Variants in AGPS observed in about 807,000 individuals in gnomAD.
AGPS encodes alkyldihydroxyacetonephosphate synthase, peroxisomal.
AGPS carries 26 observed loss-of-function variants against 90.7 expected under a neutral mutation model. That is an observed-to-expected ratio of 0.29 (90% CI 0.21 to 0.40). The LOEUF (loss-of-function observed/expected upper bound fraction) is 0.40, where lower values mean the gene tolerates loss of function less well. Among genes scored for constraint, AGPS ranks in the 10% least tolerant of loss-of-function variants. AGPS has a pLI of 1.00. For missense variants in AGPS, 540 were observed against 816.1 expected (o/e 0.66, Z 4.12); for synonymous variants, 294 against 285.3 (o/e 1.03, Z -0.31).
intron 11 of AGPS, among the ~76,000 whole-genome samples, chr2:177,485,753 T>C (rs1436731469): frequency 1.3e-5 from 2 of 151,842 alleles, no homozygotes; most frequent in Non-Finnish European, 2.9e-5. Flanking sequence ...CCTGTCTCTA[T>C]AAAAAATACA....
chr2:177,431,368 G>A (rs578140362), intron 2 of AGPS, among the ~76,000 whole-genome samples: 2 of 152,316 alleles, frequency 1.3e-5, no homozygotes, highest in South Asian at 4.1e-4. Context: ...AATGACTGAT[G>A]AGGGTCTGTG....
At chr2:177,416,575 G>T (rs187001578) in intron 1 of AGPS, among the ~76,000 whole-genome samples, 1 of 152,108 alleles carries the variant, frequency 6.6e-6, no homozygotes, top group Admixed American at 6.5e-5. Context: ...ACCCAGCCTG[G>T]AGTGCAGTGG....
intron 1 of AGPS, among the ~76,000 whole-genome samples, chr2:177,414,974 G>A (rs1050149316): frequency 1.4e-5 from 2 of 147,574 alleles, no homozygotes; most frequent in Non-Finnish European, 3.0e-5. Flanking sequence ...AATATATCTG[G>A]ATATATTATA....
At chr2:177,484,511 T>C (rs1413020961) in intron 11 of AGPS, among the ~76,000 whole-genome samples, 4 of 151,812 alleles carry the variant, frequency 2.6e-5, no homozygotes, top group African/African-American at 9.7e-5. Context: ...GCCCAGCAGA[T>C]TTTTTTGTAT....
At chr2:177,427,933 G>T (rs1449230792) in intron 2 of AGPS, among the ~76,000 whole-genome samples, 1 of 152,130 alleles carries the variant, frequency 6.6e-6, no homozygotes, top group Non-Finnish European at 1.5e-5. Context: ...GGATGTTAAA[G>T]CCTCTCACTA....
chr2:177,444,812 G>A (rs1291184763), intron 7 of AGPS, among the ~76,000 whole-genome samples: 4 of 152,204 alleles, frequency 2.6e-5, no homozygotes. Flanking sequence ...GCTCTTAATA[G>A]TAGAAAGTAA....
intron 1 of AGPS, among the ~76,000 whole-genome samples, chr2:177,416,711 A>G (rs566019547): frequency 5.0e-4 from 76 of 151,660 alleles, no homozygotes; most frequent in Admixed American, 8.5e-4. Flanking sequence ...TTTAATTTGT[A>G]GTAGAGATGG....
intron 6 of AGPS, chr2:177,441,324 C>A (rs1686594189): frequency 6.0e-6 from 2 of 330,660 alleles, no homozygotes; most frequent in South Asian, 3.8e-5. Flanking sequence ...TACTTTTTAA[C>A]CTGTATATTT....
chr2:177,521,429 T>TG, intron 18 of AGPS, 61 bp downstream of exon 18: 1 of 1,327,096 alleles, frequency 7.5e-7, no homozygotes, highest in Non-Finnish European at 1.1e-6. Flanking sequence ...TAAATTTTAC[T>TG]GTCAATTTAT....
At chr2:177,532,058 G>C (rs1259043981) in intron 19 of AGPS, among the ~76,000 whole-genome samples, 1 of 152,054 alleles carries the variant, frequency 6.6e-6, no homozygotes, top group Non-Finnish European at 1.5e-5. Context: ...TCAGGATCTA[G>C]AGCCAGGCAA....
chr2:177,399,938 C>A (rs1484713622), intron 1 of AGPS, among the ~76,000 whole-genome samples: 1 of 152,126 alleles, frequency 6.6e-6, no homozygotes, highest in Non-Finnish European at 1.5e-5. Context: ...TTTTGTTTAT[C>A]CTCATCGATG....
chr2:177,435,021 A>ATATATG (rs1386186429), intron 3 of AGPS, among the ~76,000 whole-genome samples: 5 of 146,980 alleles, frequency 3.4e-5, no homozygotes, highest in Non-Finnish European at 6.0e-5. Context: ...ATATATATAT[A>ATATATG]TATGTATGAA....
chr2:177,485,457 G>A (rs922081057), intron 11 of AGPS, among the ~76,000 whole-genome samples: 4 of 151,952 alleles, frequency 2.6e-5, no homozygotes, highest in Non-Finnish European at 5.9e-5. Flanking sequence ...ATTACAATTC[G>A]ATATGCCCCT....
intron 11 of AGPS, among the ~76,000 whole-genome samples, chr2:177,490,810 A>G (rs1688231468): frequency 1.6e-5 from 2 of 127,806 alleles, no homozygotes; most frequent in South Asian, 4.9e-4. Flanking sequence ...ATGTACGTGT[A>G]TATGTTTTTT....
intron 2 of AGPS, among the ~76,000 whole-genome samples, chr2:177,430,706 C>T (rs1352153690): frequency 2.0e-5 from 3 of 152,170 alleles, no homozygotes. Flanking sequence ...GATGTGAGAA[C>T]GTGGATATTT....
chr2:177,486,389 A>G (rs1688093178), intron 11 of AGPS, among the ~76,000 whole-genome samples: 1 of 152,212 alleles, frequency 6.6e-6, no homozygotes, highest in Admixed American at 6.5e-5. Context: ...CAAGAGTGGT[A>G]CAGTATTTGC....
intron 1 of AGPS, among the ~76,000 whole-genome samples, chr2:177,407,266 A>G (rs548213091): frequency 2.3e-4 from 35 of 152,344 alleles, no homozygotes; most frequent in African/African-American, 7.5e-4. Flanking sequence ...AGTAAACTAC[A>G]TAGAAAGGAG....
chr2:177,503,865 T>G (rs184750414), intron 14 of AGPS, among the ~76,000 whole-genome samples: 1 of 152,266 alleles, frequency 6.6e-6, no homozygotes, highest in Non-Finnish European at 1.5e-5. Context: ...AAATGCATGT[T>G]TCTCTGTGGT....
intron 14 of AGPS, 23 bp from the exon 15 acceptor site, chr2:177,505,483 A>G: frequency 6.2e-7 from 1 of 1,602,044 alleles, no homozygotes; most frequent in Non-Finnish European, 8.5e-7. Context: ...AAAATTTATT[A>G]ACAGTTTGTT....
Sources: allele counts gnomAD v4.1 joint callset (sites outside exome capture counted in the v4.1 genomes callset), GRCh38; gene constraint gnomAD v4.1.1; transcripts MANE v1.5; gene names NCBI Gene and HGNC (gene_info 2026-07-23, HGNC 2026-07-21).